The following NEK1 variants were observed in gnomAD, a reference collection of about 807,000 sequenced individuals.
The protein encoded by NEK1 is NIMA related kinase 1, also known as serine/threonine-protein kinase Nek1.
Under a neutral mutation model 182.1 loss-of-function variants are expected in NEK1, and 137 were observed. That is an observed-to-expected ratio of 0.75 (90% confidence interval 0.65 to 0.87). NEK1 has a LOEUF of 0.87. Among genes scored for constraint, NEK1 ranks in the 40% least tolerant of loss-of-function variants. NEK1 has a pLI of 0.00. For synonymous variants in NEK1, 513 were observed against 492.2 expected, an observed-to-expected ratio of 1.04 and a Z score of -0.56; for missense variants, 1,391 against 1,494.4, an observed-to-expected ratio of 0.93 and a Z score of 1.14.
chr4:169,488,955 C>G (rs1749549851), intron 23 of NEK1, among the ~76,000 whole-genome samples: 1 of 152,010 alleles, frequency 6.6e-6, no homozygotes, highest in East Asian at 1.9e-4. Context: ...GAGAATATGC[C>G]CTTCATCTAG....
intron 27 of NEK1, among the ~76,000 whole-genome samples, chr4:169,451,655 A>G (rs1741800829): frequency 6.6e-6 from 1 of 152,242 alleles, no homozygotes; most frequent in Admixed American, 6.5e-5. Context: ...AGGGAAATTT[A>G]TAGCACTAAA....
intron 12 of NEK1, among the ~76,000 whole-genome samples, chr4:169,574,345 C>T (rs1010498221): frequency 8.5e-5 from 13 of 152,124 alleles, no homozygotes; most frequent in African/African-American, 3.1e-4. Flanking sequence ...CCCGTAATCC[C>T]AGCGCTTTGG....
chr4:169,562,550 G>A (rs1224383509), intron 12 of NEK1, among the ~76,000 whole-genome samples: 1 of 151,930 alleles, frequency 6.6e-6, no homozygotes, highest in Admixed American at 6.5e-5. Flanking sequence ...TATATATTCA[G>A]TATATAAAAT....
At chr4:169,600,453 T>A (rs1770294132) in intron 4 of NEK1, among the ~76,000 whole-genome samples, 2 of 152,108 alleles carry the variant, frequency 1.3e-5, no homozygotes, top group Admixed American at 6.5e-5. Flanking sequence ...CACCTCAGCC[T>A]CCCGAAGTTG....
intron 12 of NEK1, among the ~76,000 whole-genome samples, chr4:169,570,456 G>C (rs1040180456): frequency 2.6e-5 from 4 of 150,980 alleles, no homozygotes; most frequent in African/African-American, 9.7e-5. Context: ...GGAGGGAGGT[G>C]GGGGGATCAG....
At chr4:169,550,665 A>G (rs1022349642) in intron 18 of NEK1, among the ~76,000 whole-genome samples, 8 of 152,208 alleles carry the variant, frequency 5.3e-5, no homozygotes, top group African/African-American at 1.7e-4. Context: ...GAACAGAACC[A>G]CTGCTCCTAG....
In NEK1 at chr4:169,567,097, G is replaced by GAA. The variant is rs201538192; in HGVS notation, c.1021-4903_1021-4902dup. ...GTGAAGGTCCTGTCTCAAAAAAAAA[G>GAA]AAAAAAAAAATCAAGGGAAAAACCT... On this transcript the variant is annotated intron_variant, in intron 12 of 35. Transcript: ENST00000507142. 1.3e-3 allele frequency among the ~76,000 whole-genome samples: 189 copies of GAA among 143,766 alleles called. 1 individual carries two copies. Among genetic ancestry groups the GAA allele is most frequent in the African/African-American group, 4.6e-3 (182 of 39,844 alleles). 94.3% of individuals were successfully genotyped at this position (143,766 alleles called of 152,430 possible).
Position 169,585,521 on chromosome 4 carries a change from A to C in NEK1, c.635T>G (p.Val212Gly), listed in dbSNP as rs1767393763. Reference protein sequence around the residue: ...AFEAGSMKNLVLKIISGSFPP... With the variant: ...AFEAGSMKNLGLKIISGSFPP... ...AAAAGATCCAGATATTATCTTCAGT[A>C]CCAGGTTTTTCATACTGCCAGCTTC... Residue 212 changes from valine (V) to glycine (G), a missense_variant, in exon 10 of 36, where the codon GTA becomes GGA. By Grantham distance (109) the Val-to-Gly change is moderately radical. This residue lies in a region of NEK1 where 1,216 missense variants were observed against 1,277.6 expected (regional missense o/e 0.95). Transcript: ENST00000507142. 3.1e-6 allele frequency: 5 copies of C among 1,612,792 alleles called. No homozygotes were observed. Among genetic ancestry groups the C allele is most frequent in the Non-Finnish European group, 4.2e-6 (5 of 1,179,324 alleles).
Position 169,585,389 on chromosome 4 carries a change from C to G in NEK1, c.767G>C (p.Gly256Ala), listed in dbSNP as rs142236342. The part of the protein sequence containing the change: ...RPSVNSILEK[G>A]FIAKRIEKFL... Reference sequence around the variant, plus strand: ...CTTTTCAATGCGTTTGGCTATAAAACCTTTCTCCAATATGGAGTTGACTGA... The same window carrying G: ...CTTTTCAATGCGTTTGGCTATAAAAGCTTTCTCCAATATGGAGTTGACTGA... Residue 256 changes from glycine to alanine, a missense_variant, in exon 10 of 36, where the codon GGT becomes GCT. Gly to Ala is a moderately conservative substitution (Grantham distance 60). Transcript: ENST00000507142. The G allele has an allele frequency of 5.0e-6, 8 of 1,613,524 alleles. No homozygotes were observed. The African/African-American group carries it at 9.3e-5, about 19-fold the overall frequency.
At chr4:169,565,714 A>G (rs936402461) in intron 12 of NEK1, among the ~76,000 whole-genome samples, 1 of 152,216 alleles carries the variant, frequency 6.6e-6, no homozygotes, top group African/African-American at 2.4e-5. Flanking sequence ...ACCACATACT[A>G]TATGATTCCA....
intron 31 of NEK1, 27 bp from the exon 32 acceptor site, chr4:169,406,774 A>C: frequency 6.5e-7 from 1 of 1,535,878 alleles, no homozygotes. Flanking sequence ...CAAATTTCTT[A>C]TTAGGAGAAA....
At chr4:169,421,897 T>C (rs1346905591) in intron 31 of NEK1, among the ~76,000 whole-genome samples, 1 of 152,158 alleles carries the variant, frequency 6.6e-6, no homozygotes, top group East Asian at 1.9e-4. Context: ...ATCAACCAAT[T>C]TGACTTTATA....
At chr4:169,515,218 G>C (rs1178496415) in intron 19 of NEK1, among the ~76,000 whole-genome samples, 4 of 152,108 alleles carry the variant, frequency 2.6e-5, no homozygotes, top group Admixed American at 6.5e-5. Context: ...ATATTATCTT[G>C]ATGAATTTTT....
intron 26 of NEK1, among the ~76,000 whole-genome samples, chr4:169,468,198 C>A (rs1481490282): frequency 6.6e-6 from 1 of 151,866 alleles, no homozygotes; most frequent in East Asian, 1.9e-4. Flanking sequence ...AATCATTATG[C>A]TTGAGTGAAA....
Position 169,396,737 on chromosome 4 carries a change from C to A in NEK1, c.3848-2214G>T, listed in dbSNP as rs893745647. On this transcript the variant is annotated intron_variant, in intron 35 of 35. Coordinates refer to ENST00000507142, the MANE Select transcript of NEK1 (RefSeq NM_001199397.3). The stretch of plus-strand genomic sequence containing the variant: ...AAATAAAACAGAAATGTGTTTTTGA[C>A]AATCTTCTTTTTAACTTGTATCTTA... 9.9e-5 allele frequency among the ~76,000 whole-genome samples: 15 copies of A among 152,256 alleles called. 1 individual carries two copies. The South Asian group carries it at 1.7e-3, about 17-fold the overall frequency.
At chr4:169,499,886 C>CT (rs1471925927) in intron 23 of NEK1, among the ~76,000 whole-genome samples, 1 of 152,228 alleles carries the variant, frequency 6.6e-6, no homozygotes, top group Non-Finnish European at 1.5e-5. Context: ...GTTCTCAGAT[C>CT]TGCAGCTGCG....
At chr4:169,540,642 T>G in intron 18 of NEK1, among the ~76,000 whole-genome samples, 1 of 152,092 alleles carries the variant, frequency 6.6e-6, no homozygotes, top group East Asian at 1.9e-4. Context: ...TTCTTTTGAG[T>G]TCCAGAATTA....
intron 12 of NEK1, 96 bp from the exon 13 acceptor site, chr4:169,562,292 A>G (rs1763037635): frequency 2.5e-6 from 2 of 786,750 alleles, no homozygotes. Context: ...AAAAAGGTAA[A>G]GTCAATACTT....
intron 26 of NEK1, 79 bp downstream of exon 26, chr4:169,477,045 A>G: frequency 4.2e-6 from 4 of 959,304 alleles, no homozygotes; most frequent in Non-Finnish European, 4.4e-6. Context: ...CTAAGTGTTC[A>G]TTTTTTTCAG....
Sources: gnomAD v4.1 joint callset for allele counts (sites outside exome capture counted in the v4.1 genomes callset) on GRCh38, gnomAD v4.1.1 for gene constraint, gnomAD v4.1.1 regional missense constraint, MANE v1.5 for transcripts, NCBI Gene and HGNC (gene_info 2026-07-23, HGNC 2026-07-21) for gene names.